Variants in YWHAQ observed in about 807,000 individuals in gnomAD.
YWHAQ encodes 14-3-3 protein theta.
Under a neutral mutation model 28.3 loss-of-function variants are expected in YWHAQ, and 6 were observed. That is an observed-to-expected ratio of 0.21 (90% confidence interval 0.12 to 0.42). The LOEUF (loss-of-function observed/expected upper bound fraction) is 0.42. Among genes scored for constraint, YWHAQ ranks in the 10% least tolerant of loss-of-function variants. YWHAQ has a pLI of 1.00. For synonymous variants in YWHAQ, 143 were observed against 119.1 expected, an observed-to-expected ratio of 1.20 and a Z score of -1.31; for missense variants, 201 against 305.6, an observed-to-expected ratio of 0.66 and a Z score of 2.55.
chr2:9,597,885 T>C (rs935560230), intron 2 of YWHAQ, among the ~76,000 whole-genome samples: 11 of 150,558 alleles, frequency 7.3e-5, no homozygotes, highest in African/African-American at 2.0e-4. Flanking sequence ...AATGGCATGA[T>C]CTCGGCTCAC....
rs1572993077 is a variant in YWHAQ at position 9,601,302 on chromosome 2, T to C, written c.295-9787A>G. 3.3e-5 allele frequency among the ~76,000 whole-genome samples: 5 copies of C among 151,816 alleles called. 1 individual carries two copies. Among genetic ancestry groups the C allele is most frequent in the Admixed American group, 3.3e-4 (5 of 15,232 alleles). Reference sequence around the variant, plus strand: ...CATGGTGAAACCCCGTCTCTACTAATAATACAAAAATTAGCTGGGTGTGGT... The same window carrying C: ...CATGGTGAAACCCCGTCTCTACTAACAATACAAAAATTAGCTGGGTGTGGT... On this transcript the variant is annotated intron_variant, in intron 2 of 5. Transcript: ENST00000238081.
intron 2 of YWHAQ, among the ~76,000 whole-genome samples, chr2:9,603,903 C>T (rs956973098): frequency 9.2e-5 from 14 of 152,096 alleles, no homozygotes; most frequent in South Asian, 6.2e-4. Context: ...CCAGCCTGGA[C>T]GACAGAGTGA....
chr2:9,595,560 C>A (rs765656362), intron 2 of YWHAQ, among the ~76,000 whole-genome samples: 1 of 151,890 alleles, frequency 6.6e-6, no homozygotes, highest in Non-Finnish European at 1.5e-5. Flanking sequence ...CAAAATTAGC[C>A]GGGTATGGTG....
intron 2 of YWHAQ, among the ~76,000 whole-genome samples, chr2:9,617,991 T>C (rs1368312775): frequency 6.6e-6 from 1 of 151,530 alleles, no homozygotes; most frequent in African/African-American, 2.4e-5. Context: ...TTAGGCTAAG[T>C]GAAAGAAGCC....
intron 2 of YWHAQ, among the ~76,000 whole-genome samples, chr2:9,595,083 C>T (rs577411435): frequency 1.2e-4 from 18 of 152,320 alleles, no homozygotes; most frequent in Middle Eastern, 6.8e-3. Context: ...TACTTCCATC[C>T]TGGAGTTTCA....
At position 9,584,283 on chromosome 2, in the gene YWHAQ, CTTTTA is replaced by C. The variant is rs968289098; in HGVS notation, c.*998_*1002del. On this transcript the variant is annotated 3_prime_UTR_variant, in exon 6 of 6. Transcript: ENST00000238081. ...CATAGTAAATGGTTTATAAAATGTA[CTTTTA>C]TTTTATGTTACTCTGCTGTTACATA... 3.9e-5 allele frequency: 6 copies of C among 152,682 alleles called. No individual in the cohort carries two copies. Among genetic ancestry groups the C allele is most frequent in the African/African-American group, 4.8e-5 (2 of 41,554 alleles). The allele number at this position is 152,682 out of a possible 1,614,324, so 9.5% of individuals were successfully genotyped here.
intron 2 of YWHAQ, among the ~76,000 whole-genome samples, chr2:9,591,825 C>T (rs1666460451): frequency 6.6e-6 from 1 of 152,228 alleles, no homozygotes; most frequent in Admixed American, 6.5e-5. Flanking sequence ...TTTACTCATA[C>T]CTGCTAGGTG....
intron 2 of YWHAQ, among the ~76,000 whole-genome samples, chr2:9,629,534 G>T (rs944735836): frequency 6.6e-6 from 1 of 152,074 alleles, no homozygotes; most frequent in Non-Finnish European, 1.5e-5. Context: ...GCACAGGTGT[G>T]CAACAGCAAG....
rs748970639 is a variant in YWHAQ, at chr2:9,630,390, G to A, written c.63C>T (p.Asp21=). The change falls in exon 2 of 6, where the codon GAC becomes GAT. Residue 21 remains aspartate, a synonymous_variant. Coordinates refer to ENST00000238081, the MANE Select transcript of YWHAQ (RefSeq NM_006826.4). This position sits in a 1 kb window ranked among gnomAD's most constrained non-coding sequence, Gnocchi z 5.6. The part of the protein sequence containing the change: ...KLAEQAERYD[D]MATCMKAVTE... ...TCACTGCCTTCATGCAGGTGGCCAT[G>A]TCGTCGTAGCGCTCGGCCTGCTCGG... 5.0e-6 allele frequency: 8 copies of A among 1,613,916 alleles called. No homozygotes were observed. Among genetic ancestry groups the A allele is most frequent in the Non-Finnish European group, 6.8e-6 (8 of 1,180,022 alleles).
At chr2:9,624,180 C>T (rs1455060641) in intron 2 of YWHAQ, among the ~76,000 whole-genome samples, 2 of 152,122 alleles carry the variant, frequency 1.3e-5, no homozygotes, top group African/African-American at 4.8e-5. Flanking sequence ...GGCTCGAGCC[C>T]GGGAGGTGGA....
intron 2 of YWHAQ, among the ~76,000 whole-genome samples, chr2:9,604,819 G>T (rs1666785439): frequency 6.6e-6 from 1 of 152,198 alleles, no homozygotes; most frequent in Non-Finnish European, 1.5e-5. Context: ...AGAATCTACA[G>T]TAATTCTGAA....
At chr2:9,624,047 G>A (rs1299218873) in intron 2 of YWHAQ, among the ~76,000 whole-genome samples, 1 of 152,106 alleles carries the variant, frequency 6.6e-6, no homozygotes, top group Non-Finnish European at 1.5e-5. Context: ...CTTGAGCTCA[G>A]GAGTTCAAGA....
chr2:9,585,782 G>A (rs1037847901), intron 5 of YWHAQ, among the ~76,000 whole-genome samples: 2 of 151,952 alleles, frequency 1.3e-5, no homozygotes, highest in Non-Finnish European at 2.9e-5. Context: ...ACGGGGTGGT[G>A]TGTGCCTACA....
chr2:9,615,217 A>C (rs1356193632), intron 2 of YWHAQ: 5 of 152,118 alleles, frequency 3.3e-5, no homozygotes, highest in Non-Finnish European at 7.4e-5. Flanking sequence ...AAAAGAAGAC[A>C]CTATATAAAC....
intron 2 of YWHAQ, among the ~76,000 whole-genome samples, chr2:9,617,956 A>G (rs963239471): frequency 1.2e-4 from 19 of 152,036 alleles, no homozygotes; most frequent in Admixed American, 1.0e-3. Flanking sequence ...GATGCAAGCT[A>G]CAACACAAAT....
intron 2 of YWHAQ, among the ~76,000 whole-genome samples, chr2:9,628,272 T>G (rs1390078153): frequency 6.6e-6 from 1 of 152,260 alleles, no homozygotes; most frequent in Non-Finnish European, 1.5e-5. Context: ...CTATTCTATG[T>G]CTTCTCAGTA....
intron 2 of YWHAQ, among the ~76,000 whole-genome samples, chr2:9,602,880 T>A (rs866305006): frequency 3.9e-5 from 3 of 76,076 alleles, no homozygotes; most frequent in African/African-American, 1.1e-4. Flanking sequence ...TATATATATA[T>A]ATATATATAT....
intron 3 of YWHAQ, among the ~76,000 whole-genome samples, chr2:9,590,419 C>T (rs1428464831): frequency 6.6e-6 from 1 of 152,076 alleles, no homozygotes; most frequent in Non-Finnish European, 1.5e-5. Context: ...TTTAGGATGG[C>T]AAAACTCTCA....
chr2:9,601,613 G>GT (rs1429615330), intron 2 of YWHAQ, among the ~76,000 whole-genome samples: 1 of 152,104 alleles, frequency 6.6e-6, no homozygotes, highest in Non-Finnish European at 1.5e-5. Flanking sequence ...AACCACACAC[G>GT]TGATGCCATC....
Sources: allele counts gnomAD v4.1 joint callset (sites outside exome capture counted in the v4.1 genomes callset), GRCh38; gene constraint gnomAD v4.1.1; non-coding constraint Gnocchi (gnomAD v3.1); transcripts MANE v1.5; gene names NCBI Gene and HGNC (gene_info 2026-07-23, HGNC 2026-07-21).